TTBK1: variants seen among roughly 807,000 people sequenced by gnomAD.
TTBK1 encodes the protein tau tubulin kinase 1, also known as tau-tubulin kinase 1.
TTBK1 carries 34 observed loss-of-function variants against 108.5 expected under a neutral mutation model. That is an observed-to-expected ratio of 0.31 (90% CI 0.24 to 0.42). The LOEUF is 0.42. Ranked by LOEUF, TTBK1 falls within the 10% of genes least tolerant of loss-of-function variation. The pLI is 1.00. For synonymous variants in TTBK1, 809 were observed against 795.1 expected (o/e 1.02, Z -0.29); for missense variants, 1,539 against 1,826.0 (o/e 0.84, Z 2.86).
intron 2 of TTBK1, among the ~76,000 whole-genome samples, chr6:43,247,523 A>C (rs1237774107): frequency 6.6e-6 from 1 of 151,736 alleles, no homozygotes; most frequent in Non-Finnish European, 1.5e-5. Context: ...AATGTGGGGC[A>C]GACTGTGGGC....
intron 13 of TTBK1, among the ~76,000 whole-genome samples, chr6:43,277,812 T>C (rs1273394283): frequency 6.6e-6 from 1 of 152,150 alleles, no homozygotes. Context: ...ACAGAGGTGA[T>C]GCAGGCACAT....
At chr6:43,272,116 A>AT in intron 13 of TTBK1, 1 of 985,430 alleles carries the variant, frequency 1.0e-6, no homozygotes, top group African/African-American at 1.7e-5. Context: ...CCCTCTTCCC[A>AT]TCCACCCCAG....
At chr6:43,268,017 C>T (rs1272503141) in intron 13 of TTBK1, among the ~76,000 whole-genome samples, 1 of 152,212 alleles carries the variant, frequency 6.6e-6, no homozygotes, top group Non-Finnish European at 1.5e-5. Flanking sequence ...GATAACAGAG[C>T]ACTCTTATCT....
At chr6:43,254,750 C>G in intron 6 of TTBK1, 99 bp downstream of exon 6, 1 of 1,171,746 alleles carries the variant, frequency 8.5e-7, no homozygotes, top group East Asian at 2.5e-5. Context: ...CTAAGCTGGC[C>G]TGGCCTTGTG....
At chr6:43,258,211 C>T (rs182976639) in intron 10 of TTBK1, among the ~76,000 whole-genome samples, 209 of 152,240 alleles carry the variant, frequency 1.4e-3, no homozygotes, top group Non-Finnish European at 2.6e-3. Context: ...GAACCCTAAG[C>T]GAAATTACCT....
Position 43,259,536 on chromosome 6 carries a change from C to G in TTBK1, c.1254C>G (p.Pro418=). 6.3e-7 allele frequency: 1 copy of G among 1,580,088 alleles called. No individual in the cohort carries two copies. The highest frequency in any genetic ancestry group is 8.6e-7 in the Non-Finnish European group (1 of 1,164,698). Reference sequence around the variant, plus strand: ...GGCACTCCCCTCTCCTGCAGAGCCCCTGTGTGGAGGAGGAACAGAGCCGAG... The same window carrying G: ...GGCACTCCCCTCTCCTGCAGAGCCCGTGTGTGGAGGAGGAACAGAGCCGAG... The part of the protein sequence containing the change: ...NKLRINIGKS[P]CVEEEQSRGM... The change falls in exon 12 of 15, where the codon CCC becomes CCG. Residue 418 remains proline, a synonymous_variant. Coordinates refer to ENST00000259750, the MANE Select transcript of TTBK1 (RefSeq NM_032538.3). This position sits in a 1 kb window ranked among gnomAD's most constrained non-coding sequence, Gnocchi z 6.7.
chr6:43,259,113 G>C lies in TTBK1; in HGVS notation c.1092G>C (p.Leu364=). ...AGGATGTGCTACAGGGAGAGCACCT[G>C]AGTGACCAGGAGAATGCACCCCCAA... ...NTEDVLQGEH[L]SDQENAPPIL... The change falls in exon 11 of 15, where the codon CTG becomes CTC. Residue 364 remains leucine, a synonymous_variant. Transcript: ENST00000259750. The surrounding 1 kb of genome is among the most constrained non-coding windows in gnomAD (Gnocchi z 6.7). The C allele has an allele frequency of 6.2e-7, 1 of 1,614,158 alleles. No individual in the cohort carries two copies. The highest frequency in any genetic ancestry group is 8.5e-7 in the Non-Finnish European group (1 of 1,180,008).
intron 12 of TTBK1, among the ~76,000 whole-genome samples, 160 bp from the exon 13 acceptor site, chr6:43,262,629 G>A (rs1054240315): frequency 2.6e-5 from 4 of 152,250 alleles, no homozygotes; most frequent in Non-Finnish European, 5.9e-5. Context: ...AGGAAGTGAG[G>A]TTGGAGGGTG....
At position 43,254,564 on chromosome 6, in the gene TTBK1, C is replaced by T. The variant is rs749302098; in HGVS notation, c.489C>T (p.Gly163=). ...RDIKPSNFAM[G]RLPSTYRKCY... ...TCCCCCAGTCAAACTTTGCCATGGG[C>T]AGGCTGCCCTCCACCTACAGGAAGT... Residue 163 remains glycine (G), a synonymous_variant, in exon 6 of 15, where the codon GGC becomes GGT. Transcript: ENST00000259750. 1.9e-6 allele frequency: 3 copies of T among 1,573,228 alleles called. No homozygotes were observed. The highest frequency in any genetic ancestry group is 3.8e-5 in the Admixed American group (2 of 52,400).
intron 13 of TTBK1, chr6:43,270,039 C>CA (rs1777786159): frequency 2.8e-6 from 4 of 1,422,210 alleles, no homozygotes; most frequent in Non-Finnish European, 3.7e-6. Context: ...ACGCAATAAT[C>CA]ACACACTCAC....
At chr6:43,278,106 A>G (rs536609167) in intron 13 of TTBK1, among the ~76,000 whole-genome samples, 1 of 152,076 alleles carries the variant, frequency 6.6e-6, no homozygotes, top group African/African-American at 2.4e-5. Context: ...GAGTGGCTCC[A>G]TGCACCCTGT....
chr6:43,249,921 C>T (rs1777192109), intron 2 of TTBK1, among the ~76,000 whole-genome samples: 1 of 151,972 alleles, frequency 6.6e-6, no homozygotes, highest in South Asian at 2.1e-4. Flanking sequence ...CATGGACCCC[C>T]TAAAGGTATC....
chr6:43,278,219 A>G (rs572241207), intron 13 of TTBK1, among the ~76,000 whole-genome samples: 1 of 152,312 alleles, frequency 6.6e-6, no homozygotes, highest in East Asian at 1.9e-4. Flanking sequence ...TGGCAATTGA[A>G]GATCAGAGTC....
At chr6:43,247,793 C>T (rs1777135291) in intron 2 of TTBK1, among the ~76,000 whole-genome samples, 1 of 152,156 alleles carries the variant, frequency 6.6e-6, no homozygotes, top group Non-Finnish European at 1.5e-5. Context: ...TGCAAGTCCC[C>T]TAGAAACCTA....
intron 12 of TTBK1, among the ~76,000 whole-genome samples, chr6:43,261,213 C>G (rs992439381): frequency 2.0e-5 from 3 of 152,294 alleles, no homozygotes; most frequent in East Asian, 3.9e-4. Flanking sequence ...GCCCCACAGG[C>G]AGTTCTGATC....
chr6:43,253,018 G>T lies in TTBK1; in HGVS notation c.256+132G>T. 8.4e-7 allele frequency: 1 copy of T among 1,194,534 alleles called. No homozygotes were observed. The highest frequency in any genetic ancestry group is 1.2e-6 in the Non-Finnish European group (1 of 845,394). The allele number at this position is 1,194,534 out of a possible 1,614,324, so 74.0% of individuals were successfully genotyped here. ...GAGGGAAAAGGGGATGGAGCCAGGA[G>T]CTAAGGGGGAGGTGACGGAGCCAGA... On this transcript the variant is annotated intron_variant, in intron 3 of 14. Coordinates refer to ENST00000259750, the MANE Select transcript of TTBK1 (RefSeq NM_032538.3). The surrounding 1 kb of genome is among the most constrained non-coding windows in gnomAD (Gnocchi z 5.8).
chr6:43,248,165 T>C (rs565766486), intron 2 of TTBK1: 1 of 152,292 alleles, frequency 6.6e-6, no homozygotes, highest in East Asian at 1.9e-4. Context: ...TTTTGTGATT[T>C]CTGAGGGAAG....
chr6:43,271,102 C>G, intron 13 of TTBK1: 1 of 985,514 alleles, frequency 1.0e-6, no homozygotes, highest in Middle Eastern at 5.2e-4. Flanking sequence ...CTTTATTCAT[C>G]CTGCCCATGT....
chr6:43,271,892 GCTC>G (rs1399052526), intron 13 of TTBK1: 12 of 944,758 alleles, frequency 1.3e-5, no homozygotes, highest in Non-Finnish European at 1.5e-5. Context: ...CATCTCAGCT[GCTC>G]ACTTTTGAAT....
Sources: gnomAD v4.1 joint callset for allele counts (sites outside exome capture counted in the v4.1 genomes callset) on GRCh38, gnomAD v4.1.1 for gene constraint, Gnocchi (gnomAD v3.1) non-coding constraint, MANE v1.5 for transcripts, NCBI Gene and HGNC (gene_info 2026-07-23, HGNC 2026-07-21) for gene names.